Variants in SFMBT2 observed in about 807,000 individuals in gnomAD.
SFMBT2 encodes Scm like with four mbt domains 2.
In SFMBT2, 38 loss-of-function variants were observed where a neutral mutation model predicts 110.1. The ratio of observed to expected loss-of-function variants is 0.35; its 90% CI spans 0.27 to 0.45. SFMBT2 has a LOEUF of 0.45. Among genes scored for constraint, SFMBT2 ranks in the 20% least tolerant of loss-of-function variants. SFMBT2 has a pLI of 1.00. For missense variants in SFMBT2, 1,011 were observed against 1,094.9 expected, an observed-to-expected ratio of 0.92 and a Z score of 1.08; for synonymous variants, 425 against 425.4, an observed-to-expected ratio of 1.00 and a Z score of 0.01.
At chr10:7,320,308 T>C (rs911526650) in intron 4 of SFMBT2, among the ~76,000 whole-genome samples, 1 of 152,220 alleles carries the variant, frequency 6.6e-6, no homozygotes. Context: ...TTCCTCAAAG[T>C]ACTTCCAATC....
chr10:7,199,352 A>T (rs762025221), intron 14 of SFMBT2, among the ~76,000 whole-genome samples: 98 of 152,120 alleles, frequency 6.4e-4, no homozygotes, highest in South Asian at 2.1e-4. Flanking sequence ...CCCCACCCTG[A>T]CTCTACCCAA....
chr10:7,189,231 C>A lies in SFMBT2; in HGVS notation c.1699-498G>T, dbSNP rs536661600. The A allele has an allele frequency of 7.9e-5, 75 of 954,914 alleles. 1 individual carries two copies. In the African/African-American group the frequency reaches 1.2e-3, roughly 15 times the overall value. 59.2% of individuals were successfully genotyped at this position (954,914 alleles called of 1,614,324 possible). A position where few individuals can be genotyped will look rare whatever the true frequency, so the allele number is the denominator to read the frequency against. ...TTGTGTGAAACTCTCCTCTTGCAGG[C>A]TCAATTCATGGACATTTAATACTAG... On this transcript the variant is annotated intron_variant, in intron 15 of 20. Coordinates refer to ENST00000397167, the MANE Select transcript of SFMBT2 (RefSeq NM_001387889.1).
At chr10:7,280,626 C>G (rs1439448911) in intron 6 of SFMBT2, among the ~76,000 whole-genome samples, 1 of 152,194 alleles carries the variant, frequency 6.6e-6, no homozygotes, top group Non-Finnish European at 1.5e-5. Context: ...CCTTAAGACT[C>G]TGATCACAGA....
chr10:7,173,790 G>A (rs998086802), intron 17 of SFMBT2, among the ~76,000 whole-genome samples: 2 of 152,140 alleles, frequency 1.3e-5, no homozygotes, highest in Non-Finnish European at 2.9e-5. Flanking sequence ...CTTTATCTAC[G>A]AATGGGGTGG....
intron 7 of SFMBT2, among the ~76,000 whole-genome samples, chr10:7,256,393 C>T (rs1017527715): frequency 4.6e-5 from 7 of 152,244 alleles, no homozygotes; most frequent in Admixed American, 3.3e-4. Flanking sequence ...GTGATAGCTA[C>T]TAACACTGAT....
intron 12 of SFMBT2, chr10:7,203,718 T>G: frequency 1.1e-6 from 1 of 917,974 alleles, no homozygotes. Flanking sequence ...AATCTGCAGC[T>G]TTTTTTTTGT....
intron 1 of SFMBT2, among the ~76,000 whole-genome samples, chr10:7,387,333 G>T (rs1685417165): frequency 6.6e-6 from 1 of 152,186 alleles, no homozygotes; most frequent in Admixed American, 6.5e-5. Flanking sequence ...TTTCTTGTGT[G>T]TGTATTAATG....
intron 16 of SFMBT2, among the ~76,000 whole-genome samples, chr10:7,177,686 G>A (rs528161371): frequency 6.6e-6 from 1 of 151,968 alleles, no homozygotes; most frequent in Non-Finnish European, 1.5e-5. Flanking sequence ...GCAGCATAGC[G>A]AGACCCCCAT....
rs1049934122 is a variant in SFMBT2 at position 7,367,265 on chromosome 10, G to T, written c.436+384C>A. Among the ~76,000 whole-genome samples, 8 of 150,242 alleles carry T rather than the reference G, an allele frequency of 5.3e-5. No homozygotes were observed. Among genetic ancestry groups the T allele is most frequent in the Non-Finnish European group, 1.2e-4 (8 of 67,554 alleles). ...CAACATGGCCAATCACCAAACACAA[G>T]ACCTCAACTCCTGATGTCCTTTCAG... On this transcript the variant is annotated intron_variant, in intron 4 of 20. Coordinates refer to ENST00000397167, the MANE Select transcript of SFMBT2 (RefSeq NM_001387889.1). This position sits in a 1 kb window ranked among gnomAD's most constrained non-coding sequence, Gnocchi z 6.2.
intron 4 of SFMBT2, among the ~76,000 whole-genome samples, chr10:7,323,815 T>C (rs1843283023): frequency 6.6e-6 from 1 of 152,210 alleles, no homozygotes; most frequent in Admixed American, 6.5e-5. Flanking sequence ...TTAAAAAGGT[T>C]TCTTTTTAAC....
At chr10:7,215,395 T>C (rs1168091087) in intron 11 of SFMBT2, among the ~76,000 whole-genome samples, 1 of 152,214 alleles carries the variant, frequency 6.6e-6, no homozygotes, top group Non-Finnish European at 1.5e-5. Flanking sequence ...AGCAAGACCC[T>C]GTCTCAAAAC....
At chr10:7,305,182 AG>A (rs1842657610) in intron 4 of SFMBT2, among the ~76,000 whole-genome samples, 1 of 152,230 alleles carries the variant, frequency 6.6e-6, no homozygotes, top group Non-Finnish European at 1.5e-5. Flanking sequence ...TAAACCTTCA[AG>A]GATCAACCTA....
intron 4 of SFMBT2, among the ~76,000 whole-genome samples, chr10:7,290,153 G>C (rs1361678986): frequency 6.6e-6 from 1 of 151,878 alleles, no homozygotes; most frequent in African/African-American, 2.4e-5. Flanking sequence ...AATGATCAGG[G>C]AGAAAAACAC....
intron 4 of SFMBT2, among the ~76,000 whole-genome samples, chr10:7,308,991 A>G (rs1041631787): frequency 2.0e-4 from 31 of 152,226 alleles, no homozygotes; most frequent in African/African-American, 7.0e-4. Context: ...CTCAAGTTCA[A>G]TGGTCATGAC....
chr10:7,177,053 A>T lies in SFMBT2; in HGVS notation c.1809-888T>A, dbSNP rs149763735. Among the ~76,000 whole-genome samples, 1,336 of 152,146 alleles carry T rather than the reference A, an allele frequency of 8.8e-3. 16 individuals carry two copies. Among genetic ancestry groups the T allele is most frequent in the Admixed American group, 0.01 (158 of 15,286 alleles). ...GTGAAAGATTGCTCCAGGAACTAAAACTTGCTTCCACCTGCTCTCCAGTCC... is the reference window on the plus strand; with the variant it reads ...GTGAAAGATTGCTCCAGGAACTAAATCTTGCTTCCACCTGCTCTCCAGTCC... On this transcript the variant is annotated intron_variant, in intron 16 of 20. Coordinates refer to ENST00000397167, the MANE Select transcript of SFMBT2 (RefSeq NM_001387889.1).
rs147231299 is a variant in SFMBT2 at position 7,397,181 on chromosome 10, A to G, written c.-52+13680T>C. ...TTAGAAATCATTCTCATCTCCATTCATCAGGTCCCCCCAGGCTCACTGCTG... is the reference window on the plus strand; with the variant it reads ...TTAGAAATCATTCTCATCTCCATTCGTCAGGTCCCCCCAGGCTCACTGCTG... On this transcript the variant is annotated intron_variant, in intron 1 of 20. Coordinates refer to ENST00000397167, the MANE Select transcript of SFMBT2 (RefSeq NM_001387889.1). 7.2e-3 allele frequency among the ~76,000 whole-genome samples: 1,089 copies of G among 152,294 alleles called. 8 individuals carry two copies. Among genetic ancestry groups the G allele is most frequent in the Non-Finnish European group, 0.012 (795 of 68,022 alleles).
At chr10:7,192,341 A>G (rs1451393603) in intron 15 of SFMBT2, among the ~76,000 whole-genome samples, 1 of 151,950 alleles carries the variant, frequency 6.6e-6, no homozygotes, top group East Asian at 1.9e-4. Context: ...CGTCATTCCT[A>G]CTCCCTCAAC....
intron 16 of SFMBT2, among the ~76,000 whole-genome samples, chr10:7,177,991 A>G (rs1838128793): frequency 6.6e-6 from 1 of 152,184 alleles, no homozygotes; most frequent in African/African-American, 2.4e-5. Context: ...TTAAGGAGAA[A>G]CCAACCCTGG....
chr10:7,205,424 T>C (rs1285798868), intron 12 of SFMBT2: 4 of 985,316 alleles, frequency 4.1e-6, no homozygotes, highest in African/African-American at 3.5e-5. Context: ...CAGTATATTA[T>C]TGGAACCAAT....
Sources: gnomAD v4.1 joint callset for allele counts (sites outside exome capture counted in the v4.1 genomes callset) on GRCh38, gnomAD v4.1.1 for gene constraint, Gnocchi (gnomAD v3.1) non-coding constraint, MANE v1.5 for transcripts, NCBI Gene and HGNC (gene_info 2026-07-23, HGNC 2026-07-21) for gene names.